Variants in DISP1 observed in about 807,000 individuals in gnomAD.
DISP1 encodes the protein protein dispatched homolog 1.
A neutral mutation model predicts 37.3 loss-of-function variants in DISP1; 30 were observed. The ratio of observed to expected loss-of-function variants is 0.80; its 90% CI spans 0.60 to 1.09. DISP1 has a LOEUF of 1.09. Among genes scored for constraint, DISP1 ranks in the 50% least tolerant of loss-of-function variants. The pLI is 0.00. For synonymous variants in DISP1, 634 were observed against 690.2 expected (o/e 0.92, Z 1.28); for missense variants, 1,598 against 1,879.5 (o/e 0.85, Z 2.77).
At chr1:222,943,619 TTTA>T in intron 3 of DISP1, 1 of 479,448 alleles carries the variant, frequency 2.1e-6, no homozygotes, top group Non-Finnish European at 3.8e-6. Context: ...AACAAAAAGT[TTTA>T]TTGTTAGCAA....
At chr1:222,861,164 T>C (rs1668860182) in intron 1 of DISP1, among the ~76,000 whole-genome samples, 1 of 152,172 alleles carries the variant, frequency 6.6e-6, no homozygotes, top group Non-Finnish European at 1.5e-5. Flanking sequence ...CTCTTTGGAA[T>C]TGATGTGTTC....
At chr1:222,874,980 T>C (rs1187111688) in intron 1 of DISP1, among the ~76,000 whole-genome samples, 1 of 152,116 alleles carries the variant, frequency 6.6e-6, no homozygotes, top group Non-Finnish European at 1.5e-5. Flanking sequence ...TTACAACTCT[T>C]AGTGAAAATT....
intron 2 of DISP1, among the ~76,000 whole-genome samples, chr1:222,938,926 T>C (rs374511621): frequency 2.0e-5 from 3 of 152,172 alleles, no homozygotes; most frequent in East Asian, 3.9e-4. Flanking sequence ...AAATAATCTA[T>C]AGACAGTTCA....
chr1:222,872,269 A>C (rs1265025449), intron 1 of DISP1: 7 of 152,208 alleles, frequency 4.6e-5, no homozygotes, highest in Admixed American at 2.0e-4. Flanking sequence ...TGTCTCTGCC[A>C]GGCTTTGGTA....
chr1:222,995,105 G>A, intron 8 of DISP1, 123 bp downstream of exon 8: 1 of 766,548 alleles, frequency 1.3e-6, no homozygotes, highest in Non-Finnish European at 2.3e-6. Flanking sequence ...CTACTGAGGA[G>A]TAAACTCCAG....
rs542566351 is a variant in DISP1 at position 222,939,810 on chromosome 1, G to A, written c.-17-2997G>A. On this transcript the variant is annotated intron_variant, in intron 2 of 8. Transcript: ENST00000675850. ...ATTACACCACTTCACTACACCCTGG[G>A]CAACAGATGGAGATCCTGTCAAAAA... is the stretch of plus-strand genomic sequence containing the variant. 2.0e-5 allele frequency among the ~76,000 whole-genome samples: 3 copies of A among 148,152 alleles called. No individual in the cohort carries two copies. In the East Asian group the frequency reaches 6.1e-4, roughly 30 times the overall value.
intron 1 of DISP1, among the ~76,000 whole-genome samples, chr1:222,898,641 G>A (rs1671412297): frequency 6.6e-6 from 1 of 151,776 alleles, no homozygotes. Context: ...GAGGCTTGGG[G>A]AATTTAATAA....
intron 1 of DISP1, among the ~76,000 whole-genome samples, chr1:222,925,329 A>C (rs1673020927): frequency 6.6e-6 from 1 of 152,146 alleles, no homozygotes; most frequent in Admixed American, 6.5e-5. Context: ...CAACTCTAGA[A>C]CCTTTGTTTG....
chr1:222,976,773 CA>C (rs1291752417), intron 3 of DISP1, among the ~76,000 whole-genome samples: 1 of 152,064 alleles, frequency 6.6e-6, no homozygotes, highest in Non-Finnish European at 1.5e-5. Flanking sequence ...ATGTCTGTAA[CA>C]AAATACATTT....
intron 4 of DISP1, among the ~76,000 whole-genome samples, chr1:222,986,306 G>GGA (rs1553254890): frequency 6.6e-6 from 1 of 151,650 alleles, no homozygotes; most frequent in Admixed American, 6.6e-5. Flanking sequence ...AAGAGCAAGG[G>GGA]AAAAAAAATC....
intron 3 of DISP1, among the ~76,000 whole-genome samples, chr1:222,977,342 C>CTTTTT (rs397982983): frequency 4.4e-5 from 5 of 113,898 alleles, no homozygotes; most frequent in Admixed American, 9.9e-5. Flanking sequence ...TCAGCATATT[C>CTTTTT]TTTTTTTTTT....
intron 1 of DISP1, among the ~76,000 whole-genome samples, chr1:222,897,820 T>C (rs1488373148): frequency 2.6e-5 from 4 of 152,226 alleles, no homozygotes; most frequent in South Asian, 4.1e-4. Flanking sequence ...CTTTTCTGTA[T>C]GTACAGAGGC....
chr1:222,863,864 T>A (rs1669020100), intron 1 of DISP1, among the ~76,000 whole-genome samples: 1 of 152,202 alleles, frequency 6.6e-6, no homozygotes, highest in Non-Finnish European at 1.5e-5. Context: ...TGAGAATTTT[T>A]ATCTTTTTTG....
At chr1:222,932,741 G>A (rs1252241161) in intron 2 of DISP1, among the ~76,000 whole-genome samples, 2 of 151,924 alleles carry the variant, frequency 1.3e-5, no homozygotes, top group African/African-American at 2.4e-5. Context: ...CTTATAACAC[G>A]AGTGTGGAGA....
At chr1:222,821,395 A>G (rs28362013) in intron 1 of DISP1, among the ~76,000 whole-genome samples, 28,994 of 152,240 alleles carry the variant, frequency 0.19, 3,395 homozygotes, top group Non-Finnish European at 0.24. Context: ...ATGATGCATC[A>G]TAAGATATGA....
intron 1 of DISP1, among the ~76,000 whole-genome samples, chr1:222,818,110 C>A (rs187609164): frequency 4.0e-5 from 6 of 151,256 alleles, no homozygotes; most frequent in Non-Finnish European, 7.4e-5. Context: ...TTTTGAGAGC[C>A]TAAGGAATAG....
At chr1:222,815,262 A>T (rs368582406) in intron 1 of DISP1, 184 bp downstream of exon 1, 1 of 152,360 alleles carries the variant, frequency 6.6e-6, no homozygotes, top group South Asian at 2.1e-4. Context: ...AGAACGGGGA[A>T]CCAGGAGAGC....
intron 1 of DISP1, among the ~76,000 whole-genome samples, chr1:222,898,923 G>A (rs532047305): frequency 1.3e-5 from 2 of 151,960 alleles, no homozygotes; most frequent in South Asian, 4.2e-4. Context: ...GTTTACTTGT[G>A]CACACATCTA....
intron 2 of DISP1, among the ~76,000 whole-genome samples, chr1:222,930,415 T>G (rs1168665080): frequency 1.3e-5 from 2 of 151,984 alleles, no homozygotes; most frequent in Non-Finnish European, 1.5e-5. Flanking sequence ...TTGGAAAAAA[T>G]ATAAGACAGA....
Sources: gnomAD v4.1 joint callset for allele counts (sites outside exome capture counted in the v4.1 genomes callset) on GRCh38, gnomAD v4.1.1 for gene constraint, MANE v1.5 for transcripts, NCBI Gene and HGNC (gene_info 2026-07-23, HGNC 2026-07-21) for gene names.